Variants in IL36B observed in about 807,000 individuals in gnomAD.
IL36B encodes interleukin-36 beta.
IL36B carries 23 observed loss-of-function variants against 19.3 expected under a neutral mutation model. The observed-to-expected ratio is 1.19, with a 90% CI of 0.86 to 1.69. The LOEUF is 1.69. IL36B is among the 40% of genes most tolerant of loss of function. IL36B has a pLI of 0.00. For missense variants in IL36B, 217 were observed against 200.5 expected, an observed-to-expected ratio of 1.08 and a Z score of -0.50; for synonymous variants, 59 against 59.7, an observed-to-expected ratio of 0.99 and a Z score of 0.05.
At chr2:113,042,491 C>T (rs544462518) in intron 1 of IL36B, among the ~76,000 whole-genome samples, 3 of 152,292 alleles carry the variant, frequency 2.0e-5, no homozygotes, top group African/African-American at 7.2e-5. Flanking sequence ...TCCCTCCCAT[C>T]CCCCGTCCTA....
chr2:113,027,618 G>T lies in IL36B; in HGVS notation c.261+1321C>A, dbSNP rs971771262. 1.0e-4 allele frequency: 129 copies of T among 1,240,514 alleles called. 3 individuals are homozygous for T. In the East Asian group the frequency reaches 5.1e-3, roughly 49 times the overall value. 76.8% of individuals were successfully genotyped at this position (1,240,514 alleles called of 1,614,324 possible). The stretch of plus-strand genomic sequence containing the variant: ...GGAAGGTTGCATGAAGCAGCATTTG[G>T]GGGGTTGACTAAACTGGGCATGGCA... On this transcript the variant is annotated intron_variant, in intron 4 of 5. Coordinates refer to ENST00000259213, the MANE Select transcript of IL36B (RefSeq NM_014438.5).
chr2:113,031,888 G>C lies in IL36B; in HGVS notation c.-57-122C>G, dbSNP rs376834599. ...AGAGCTGCCCTGAGAGCCTCTCCTAGATGCATATTTGAGAATAAGGATGGG... is the reference window on the plus strand; with the variant it reads ...AGAGCTGCCCTGAGAGCCTCTCCTACATGCATATTTGAGAATAAGGATGGG... On this transcript the variant is annotated intron_variant, in intron 1 of 5. Coordinates refer to ENST00000259213, the MANE Select transcript of IL36B (RefSeq NM_014438.5). 5.0e-5 allele frequency: 29 copies of C among 582,416 alleles called. No individual in the cohort carries two copies. In the Middle Eastern group the frequency reaches 2.7e-3, roughly 54 times the overall value. The allele number at this position is 582,416 out of a possible 1,614,324, so 36.1% of individuals were successfully genotyped here.
At chr2:113,039,818 T>C (rs1035574784) in intron 1 of IL36B, among the ~76,000 whole-genome samples, 5 of 152,176 alleles carry the variant, frequency 3.3e-5, no homozygotes, top group African/African-American at 1.2e-4. Flanking sequence ...TTGGCTTGTA[T>C]TGGATCAGGA....
Position 113,022,531 on chromosome 2 carries a change from A to C in IL36B, c.*143T>G, listed in dbSNP as rs1573362436. ...ACAGGTAAGATTTACCAACTCTTTA[A>C]AAATACATAGTGTCCTTGTTTTACA... On this transcript the variant is annotated 3_prime_UTR_variant, in exon 6 of 6. Coordinates refer to ENST00000259213, the MANE Select transcript of IL36B (RefSeq NM_014438.5). The C allele has an allele frequency of 1.7e-6, 1 of 595,076 alleles. No homozygotes were observed. The allele number at this position is 595,076 out of a possible 1,614,324, so 36.9% of individuals were successfully genotyped here.
intron 1 of IL36B, among the ~76,000 whole-genome samples, chr2:113,052,423 C>G (rs940744925): frequency 1.3e-5 from 2 of 152,124 alleles, no homozygotes; most frequent in African/African-American, 4.8e-5. Context: ...GCAAGAGTAC[C>G]AATACCAGGT....
chr2:113,035,940 A>C (rs932361097), intron 1 of IL36B, among the ~76,000 whole-genome samples: 5 of 151,992 alleles, frequency 3.3e-5, no homozygotes, highest in Non-Finnish European at 7.4e-5. Context: ...GTAATTTTGC[A>C]CTTTTCGATT....
chr2:113,035,397 C>T (rs1043266173), intron 1 of IL36B, among the ~76,000 whole-genome samples: 32 of 152,108 alleles, frequency 2.1e-4, no homozygotes, highest in African/African-American at 7.5e-4. Flanking sequence ...GCCAGTGCTG[C>T]AAGAACTCTG....
At chr2:113,039,394 A>G (rs1394177979) in intron 1 of IL36B, among the ~76,000 whole-genome samples, 1 of 152,220 alleles carries the variant, frequency 6.6e-6, no homozygotes, top group Non-Finnish European at 1.5e-5. Context: ...TCCCTGGCTT[A>G]AAGTACTGAT....
chr2:113,027,657 T>TG, intron 4 of IL36B: 2 of 1,322,032 alleles, frequency 1.5e-6, no homozygotes, highest in Non-Finnish European at 1.9e-6. Context: ...GAGTGGATGG[T>TG]GGGGTAAGAT....
intron 1 of IL36B, among the ~76,000 whole-genome samples, chr2:113,038,240 G>A (rs778580753): frequency 5.9e-5 from 9 of 152,184 alleles, no homozygotes; most frequent in East Asian, 1.9e-4. Flanking sequence ...TTGAAAGAGA[G>A]GCCTTCTGAG....
At chr2:113,036,294 A>C (rs1389289326) in intron 1 of IL36B, among the ~76,000 whole-genome samples, 1 of 152,186 alleles carries the variant, frequency 6.6e-6, no homozygotes, top group African/African-American at 2.4e-5. Context: ...TATAAAAAAA[A>C]AGATTAAAAC....
chr2:113,036,947 C>T lies in IL36B; in HGVS notation c.-57-5181G>A, dbSNP rs566192018. Among the ~76,000 whole-genome samples the T allele has an allele frequency of 4.3e-4, 65 of 152,388 alleles. 1 individual carries two copies. In the South Asian group the frequency reaches 0.013, roughly 32 times the overall value. On this transcript the variant is annotated intron_variant, in intron 1 of 5. Transcript: ENST00000259213. ...AGGGAATTTGCGCTGCTCCGATTCT[C>T]CAGTCTGGGGAATGTAATAGAGTCA...
intron 3 of IL36B, among the ~76,000 whole-genome samples, chr2:113,029,991 G>A (rs986925019): frequency 1.6e-4 from 24 of 152,214 alleles, no homozygotes; most frequent in Admixed American, 3.3e-4. Context: ...CCAGCACTTT[G>A]GGAGGCTGAG....
intron 1 of IL36B, among the ~76,000 whole-genome samples, chr2:113,047,255 A>G (rs1685365580): frequency 6.6e-6 from 1 of 152,122 alleles, no homozygotes; most frequent in African/African-American, 2.4e-5. Flanking sequence ...TCCCAAATTC[A>G]GCCATTTTGC....
intron 1 of IL36B, among the ~76,000 whole-genome samples, chr2:113,037,202 T>A (rs1369244880): frequency 6.6e-6 from 1 of 152,224 alleles, no homozygotes; most frequent in Non-Finnish European, 1.5e-5. Flanking sequence ...TGTCCACCTA[T>A]CCATGTCCTT....
intron 4 of IL36B, chr2:113,028,008 AGG>A: frequency 1.2e-6 from 2 of 1,614,184 alleles, no homozygotes; most frequent in Non-Finnish European, 8.5e-7. Flanking sequence ...TGAACCAGCC[AGG>A]GTAAGAGACT....
chr2:113,029,277 A>C (rs1310511915), intron 3 of IL36B, among the ~76,000 whole-genome samples, 199 bp from the exon 4 acceptor site: 2 of 152,170 alleles, frequency 1.3e-5, no homozygotes, highest in African/African-American at 4.8e-5. Flanking sequence ...GTTGCTTCCC[A>C]AAAAGAAGTA....
intron 1 of IL36B, among the ~76,000 whole-genome samples, chr2:113,052,123 T>C (rs1423325379): frequency 6.6e-6 from 1 of 152,044 alleles, no homozygotes; most frequent in Non-Finnish European, 1.5e-5. Context: ...CTAGTTTTTG[T>C]ATTTTTAGTA....
chr2:113,026,804 T>G (rs1243253248), intron 4 of IL36B, among the ~76,000 whole-genome samples: 1 of 152,142 alleles, frequency 6.6e-6, no homozygotes, highest in Non-Finnish European at 1.5e-5. Context: ...AAAAAAACAT[T>G]CAGTTCTAGA....
Sources: allele counts gnomAD v4.1 joint callset (sites outside exome capture counted in the v4.1 genomes callset), GRCh38; gene constraint gnomAD v4.1.1; transcripts MANE v1.5; gene names NCBI Gene and HGNC (gene_info 2026-07-23, HGNC 2026-07-21).